Variants in SUFU observed in about 807,000 individuals in gnomAD.
The protein encoded by SUFU is suppressor of fused homolog.
SUFU carries 7 observed loss-of-function variants against 58.9 expected under a neutral mutation model. The observed-to-expected ratio is 0.12, with a 90% CI of 0.07 to 0.22. The LOEUF (loss-of-function observed/expected upper bound fraction) is 0.22, where lower values mean the gene tolerates loss of function less well. Among genes scored for constraint, SUFU ranks in the 10% least tolerant of loss-of-function variants. The pLI, the probability that SUFU is intolerant of heterozygous loss-of-function variation, is 1.00. For missense variants in SUFU, 451 were observed against 641.3 expected (o/e 0.70, Z 3.20); for synonymous variants, 232 against 254.8 (o/e 0.91, Z 0.85).
Position 102,509,259 on chromosome 10 carries a change from C to G in SUFU, c.273C>G (p.Ile91Met), listed in dbSNP as rs2062369595. The change falls in exon 2 of 12, where the codon ATC becomes ATG. Residue 91 changes from isoleucine (I) to methionine (M), a missense_variant. Ile to Met is a conservative substitution (Grantham distance 10, BLOSUM62 1). Coordinates refer to ENST00000369902, the MANE Select transcript of SUFU (RefSeq NM_016169.4). ...SANIPEHWHY[I>M]SFGLSDLYGD... ...ACATCCCCGAGCACTGGCACTACAT[C>G]AGCTTCGGCCTGAGTGATCTCTATG... is the stretch of plus-strand genomic sequence containing the variant. 1 of 1,614,224 alleles carries G rather than the reference C, an allele frequency of 6.2e-7. No individual in the cohort carries two copies. Among genetic ancestry groups the G allele is most frequent in the African/African-American group, 1.3e-5 (1 of 75,056 alleles).
intron 2 of SUFU, among the ~76,000 whole-genome samples, chr10:102,515,824 G>C (rs967674445): frequency 1.3e-5 from 2 of 152,116 alleles, no homozygotes; most frequent in Admixed American, 1.3e-4. Context: ...AGGCTCATTG[G>C]GGGGCACACC....
intron 8 of SUFU, among the ~76,000 whole-genome samples, chr10:102,606,447 C>T (rs943998439): frequency 2.0e-5 from 3 of 152,040 alleles, no homozygotes; most frequent in Admixed American, 2.0e-4. Context: ...CGTGGGATGC[C>T]CTTGTTCCTG....
intron 8 of SUFU, 74 bp downstream of exon 8, chr10:102,599,618 A>G: frequency 7.8e-7 from 1 of 1,281,036 alleles, no homozygotes; most frequent in South Asian, 1.2e-5. Context: ...TGTGGATTGC[A>G]TGAGAGAGAA....
At chr10:102,562,655 C>T (rs1045083411) in intron 3 of SUFU, among the ~76,000 whole-genome samples, 1 of 152,202 alleles carries the variant, frequency 6.6e-6, no homozygotes, top group Admixed American at 6.5e-5. Context: ...CTTTGGGAGG[C>T]TGAAGCAGTT....
intron 3 of SUFU, among the ~76,000 whole-genome samples, chr10:102,572,551 G>A (rs1342253661): frequency 1.3e-5 from 2 of 151,538 alleles, no homozygotes; most frequent in East Asian, 1.9e-4. Flanking sequence ...CACCACACCC[G>A]GCTACTTTTT....
intron 3 of SUFU, among the ~76,000 whole-genome samples, chr10:102,560,291 C>T (rs145565644): frequency 6.6e-6 from 1 of 152,134 alleles, no homozygotes; most frequent in East Asian, 1.9e-4. Context: ...GTATTTTGAC[C>T]AGGCGCAGTG....
chr10:102,505,479 A>C (rs1437217295), intron 1 of SUFU, among the ~76,000 whole-genome samples: 1 of 152,214 alleles, frequency 6.6e-6, no homozygotes, highest in Non-Finnish European at 1.5e-5. Flanking sequence ...GGGTGTAGCC[A>C]AAGGGTAGAC....
intron 1 of SUFU, among the ~76,000 whole-genome samples, 192 bp from the exon 2 acceptor site, chr10:102,508,977 G>A (rs561162495): frequency 6.6e-6 from 1 of 152,306 alleles, no homozygotes; most frequent in East Asian, 1.9e-4. Context: ...GAGCCTCTTG[G>A]GCTTGCAGAG....
intron 7 of SUFU, 41 bp downstream of exon 7, chr10:102,597,334 C>T: frequency 6.3e-7 from 1 of 1,599,090 alleles, no homozygotes. Context: ...CTTCCTCCTT[C>T]CTTTTCCCCA....
At chr10:102,552,738 G>A (rs1252146496) in intron 3 of SUFU, among the ~76,000 whole-genome samples, 1 of 152,160 alleles carries the variant, frequency 6.6e-6, no homozygotes, top group East Asian at 1.9e-4. Flanking sequence ...CGGATAAAAG[G>A]ACCTGATGTC....
chr10:102,507,609 C>T (rs575223723), intron 1 of SUFU, among the ~76,000 whole-genome samples: 13 of 152,348 alleles, frequency 8.5e-5, no homozygotes, highest in South Asian at 2.1e-4. Context: ...CTTAGCATTT[C>T]CTAACAGAGA....
chr10:102,545,454 C>T (rs1036307995), intron 2 of SUFU, among the ~76,000 whole-genome samples: 5 of 152,030 alleles, frequency 3.3e-5, no homozygotes, highest in Admixed American at 1.3e-4. Flanking sequence ...TTCTCTTGGG[C>T]ATATACTTAG....
At chr10:102,573,970 T>C (rs1259393229) in intron 3 of SUFU, among the ~76,000 whole-genome samples, 1 of 152,184 alleles carries the variant, frequency 6.6e-6, no homozygotes, top group Non-Finnish European at 1.5e-5. Context: ...AATTGGTGAA[T>C]TTTATGTTGA....
At chr10:102,538,196 CCCT>C (rs561378928) in intron 2 of SUFU, among the ~76,000 whole-genome samples, 1 of 152,196 alleles carries the variant, frequency 6.6e-6, no homozygotes, top group South Asian at 2.1e-4. Flanking sequence ...AAAGATTAGT[CCCT>C]CTGCTTTCAG....
Position 102,592,592 on chromosome 10 carries a change from C to T in SUFU, c.465C>T (p.Phe155=). ...ARYVFQSENT[F]CSGDHVSWHS... ...GTATCTCTCCCACAGAGAACACCTTCTGCAGTGGGGACCATGTGTCCTGGC... is the reference window on the plus strand; with the variant it reads ...GTATCTCTCCCACAGAGAACACCTTTTGCAGTGGGGACCATGTGTCCTGGC... Residue 155 remains phenylalanine, a synonymous_variant, in exon 4 of 12, where the codon TTC becomes TTT. Transcript: ENST00000369902. 1 of 1,614,158 alleles carries T rather than the reference C, an allele frequency of 6.2e-7. No individual in the cohort carries two copies. The highest frequency in any genetic ancestry group is 8.5e-7 in the Non-Finnish European group (1 of 1,180,020).
chr10:102,583,856 CT>C (rs2063309631), intron 3 of SUFU, among the ~76,000 whole-genome samples: 1 of 152,102 alleles, frequency 6.6e-6, no homozygotes, highest in Admixed American at 6.6e-5. Context: ...TCCCTCCCCC[CT>C]CTCCCCACCC....
chr10:102,550,758 T>TTTA (rs2062904493), intron 3 of SUFU, among the ~76,000 whole-genome samples: 2 of 142,856 alleles, frequency 1.4e-5, no homozygotes, highest in Non-Finnish European at 1.5e-5. Flanking sequence ...TTTTTTTTTT[T>TTTA]GAGATGGAGT....
intron 2 of SUFU, among the ~76,000 whole-genome samples, chr10:102,536,479 T>C (rs1311330710): frequency 6.7e-6 from 1 of 149,204 alleles, no homozygotes; most frequent in Non-Finnish European, 1.5e-5. Context: ...TTCTCCTGCC[T>C]CAGCATCCCG....
At chr10:102,535,641 C>T (rs549086114) in intron 2 of SUFU, among the ~76,000 whole-genome samples, 1 of 152,278 alleles carries the variant, frequency 6.6e-6, no homozygotes, top group South Asian at 2.1e-4. Context: ...TCCCTTTCTT[C>T]TGATACCATC....
Sources: gnomAD v4.1 joint callset for allele counts (sites outside exome capture counted in the v4.1 genomes callset) on GRCh38, gnomAD v4.1.1 for gene constraint, MANE v1.5 for transcripts, NCBI Gene and HGNC (gene_info 2026-07-23, HGNC 2026-07-21) for gene names.